The following TMEM51 variants were observed in gnomAD, a reference collection of about 807,000 sequenced individuals.
TMEM51 encodes chromosome 1 open reading frame 72.
A neutral mutation model predicts 13.6 loss-of-function variants in TMEM51; 8 were observed. The ratio of observed to expected loss-of-function variants is 0.59; its 90% CI spans 0.35 to 1.07. TMEM51 has a LOEUF of 1.07. TMEM51 is among the 50% of genes least tolerant of loss of function. The pLI, the probability that TMEM51 is intolerant of heterozygous loss-of-function variation, is 0.02. For missense variants in TMEM51, 279 were observed against 330.7 expected, an observed-to-expected ratio of 0.84 and a Z score of 1.21; for synonymous variants, 147 against 144.4, an observed-to-expected ratio of 1.02 and a Z score of -0.13.
chr1:15,163,495 C>A (rs530144147), intron 1 of TMEM51, among the ~76,000 whole-genome samples: 1 of 152,042 alleles, frequency 6.6e-6, no homozygotes, highest in South Asian at 2.1e-4. Context: ...GGAACTTTGG[C>A]GGCTTTTTTC....
At chr1:15,165,017 G>A (rs1022203601) in intron 1 of TMEM51, among the ~76,000 whole-genome samples, 3 of 152,136 alleles carry the variant, frequency 2.0e-5, no homozygotes, top group Admixed American at 6.6e-5. Flanking sequence ...TGGCCAGGAT[G>A]GTCTCCACCT....
intron 1 of TMEM51, among the ~76,000 whole-genome samples, chr1:15,175,015 C>T (rs542888086): frequency 2.0e-4 from 30 of 152,286 alleles, no homozygotes; most frequent in Admixed American, 1.2e-3. Context: ...TCCTTTTGGT[C>T]GCTGACACTA....
intron 1 of TMEM51, among the ~76,000 whole-genome samples, chr1:15,176,444 C>A (rs1405193863): frequency 6.6e-6 from 1 of 152,170 alleles, no homozygotes; most frequent in Non-Finnish European, 1.5e-5. Context: ...CCACTCCCCG[C>A]TGGCCATGGC....
chr1:15,219,323 C>T lies in TMEM51; in HGVS notation c.345-3C>T. Reference sequence around the variant, plus strand: ...CTCTCCCTGTCTGTGTGTCTTCTTGCAGCCAGGAGGAAGAAGAGGAGGATG... The same window carrying T: ...CTCTCCCTGTCTGTGTGTCTTCTTGTAGCCAGGAGGAAGAAGAGGAGGATG... On this transcript the variant is annotated splice_region_variant and splice_polypyrimidine_tract_variant and intron_variant, in intron 3 of 3. Coordinates refer to ENST00000376008, the MANE Select transcript of TMEM51 (RefSeq NM_001136218.2). The T allele has an allele frequency of 6.4e-7, 1 of 1,568,640 alleles. No individual in the cohort carries two copies. The highest frequency in any genetic ancestry group is 8.7e-7 in the Non-Finnish European group (1 of 1,156,042).
At chr1:15,214,708 C>T (rs1202058432) in intron 2 of TMEM51, among the ~76,000 whole-genome samples, 187 bp from the exon 3 acceptor site, 1 of 152,252 alleles carries the variant, frequency 6.6e-6, no homozygotes. Flanking sequence ...ACCGGCCTCC[C>T]TTCTCGCAGC....
intron 1 of TMEM51, among the ~76,000 whole-genome samples, chr1:15,158,371 G>C (rs1642656859): frequency 6.6e-6 from 1 of 152,158 alleles, no homozygotes; most frequent in African/African-American, 2.4e-5. Flanking sequence ...CGGGCCATCT[G>C]GGTGTGATGC....
At chr1:15,206,287 G>A (rs1644248406) in intron 1 of TMEM51, among the ~76,000 whole-genome samples, 1 of 150,764 alleles carries the variant, frequency 6.6e-6, no homozygotes, top group Admixed American at 6.6e-5. Context: ...GGGGAGGGAA[G>A]GGAACATTTA....
At chr1:15,197,587 C>T (rs1351672998) in intron 1 of TMEM51, among the ~76,000 whole-genome samples, 2 of 152,176 alleles carry the variant, frequency 1.3e-5, no homozygotes, top group Admixed American at 6.5e-5. Context: ...TCTCCAAAAG[C>T]CCCGTACTGA....
At chr1:15,185,176 C>T (rs1643737579) in intron 1 of TMEM51, among the ~76,000 whole-genome samples, 1 of 152,130 alleles carries the variant, frequency 6.6e-6, no homozygotes. Context: ...ATGCTCAAAA[C>T]TTAGGAGCCC....
intron 2 of TMEM51, among the ~76,000 whole-genome samples, chr1:15,211,467 T>C (rs1333228929): frequency 6.6e-6 from 1 of 152,204 alleles, no homozygotes; most frequent in Non-Finnish European, 1.5e-5. Context: ...TTTAAGAACT[T>C]ACTGTTGTGC....
In TMEM51 at chr1:15,198,386, G is replaced by A. The variant is rs148786790; in HGVS notation, c.-266-12104G>A. 2.0e-4 allele frequency among the ~76,000 whole-genome samples: 31 copies of A among 152,096 alleles called. No homozygotes were observed. The East Asian group carries it at 5.6e-3, about 27-fold the overall frequency. ...GCTTACTATGGAGGAAGGGGAACAC[G>A]GATATTGGGAACCACAAATAGGCAA... On this transcript the variant is annotated intron_variant, in intron 1 of 3. Coordinates refer to ENST00000376008, the MANE Select transcript of TMEM51 (RefSeq NM_001136218.2).
At chr1:15,182,910 C>T (rs1643665814) in intron 1 of TMEM51, among the ~76,000 whole-genome samples, 1 of 152,320 alleles carries the variant, frequency 6.6e-6, no homozygotes, top group East Asian at 1.9e-4. Flanking sequence ...TTGCAGGCAC[C>T]TGCCACCACA....
chr1:15,173,516 T>C (rs867094472), intron 1 of TMEM51, among the ~76,000 whole-genome samples: 27 of 152,104 alleles, frequency 1.8e-4, no homozygotes, highest in African/African-American at 6.0e-4. Context: ...CTACTGCGCC[T>C]GGCCAACCTG....
intron 1 of TMEM51, among the ~76,000 whole-genome samples, chr1:15,203,547 C>T (rs1310220941): frequency 6.6e-6 from 1 of 152,096 alleles, no homozygotes; most frequent in East Asian, 1.9e-4. Context: ...AGACATGAGC[C>T]ACCACACCTG....
At chr1:15,211,966 G>A (rs1229492348) in intron 2 of TMEM51, among the ~76,000 whole-genome samples, 2 of 151,910 alleles carry the variant, frequency 1.3e-5, no homozygotes, top group East Asian at 1.9e-4. Context: ...TTAGAATCAC[G>A]CTGAACACAC....
intron 1 of TMEM51, among the ~76,000 whole-genome samples, chr1:15,205,869 G>A (rs928971460): frequency 2.0e-5 from 3 of 152,014 alleles, no homozygotes; most frequent in Admixed American, 1.3e-4. Context: ...CATGTATCTC[G>A]GTATCCCCCA....
In TMEM51 at chr1:15,219,370, A is replaced by G. The variant is rs769026008; in HGVS notation, c.389A>G (p.Tyr130Cys). ...EEDEEAASRY[Y>C]VPSYEEVMNT... ...GATGAGGAGGCTGCCTCAAGGTACT[A>G]TGTTCCCAGCTACGAGGAAGTGATG... The change falls in exon 4 of 4, where the codon TAT (tyrosine) becomes TGT (cysteine). Residue 130 changes from tyrosine (Y) to cysteine (C), a missense_variant. By Grantham distance (194) the Tyr-to-Cys change is radical (BLOSUM62 -2). Coordinates refer to ENST00000376008, the MANE Select transcript of TMEM51 (RefSeq NM_001136218.2). 3 of 1,607,720 alleles carry G rather than the reference A, an allele frequency of 1.9e-6. No individual in the cohort carries two copies. The highest frequency in any genetic ancestry group is 8.5e-7 in the Non-Finnish European group (1 of 1,175,588).
At chr1:15,164,404 C>A in intron 1 of TMEM51, 2 of 456,090 alleles carry the variant, frequency 4.4e-6, no homozygotes, top group Middle Eastern at 6.5e-4. Context: ...CCCTGAATTT[C>A]GGTTTGCCTG....
At chr1:15,199,236 A>G (rs1399859351) in intron 1 of TMEM51, among the ~76,000 whole-genome samples, 2 of 151,344 alleles carry the variant, frequency 1.3e-5, no homozygotes, top group East Asian at 3.9e-4. Flanking sequence ...GGGTTCAAGC[A>G]ATTCTCCTGC....
Sources: allele counts gnomAD v4.1 joint callset (sites outside exome capture counted in the v4.1 genomes callset), GRCh38; gene constraint gnomAD v4.1.1; transcripts MANE v1.5; gene names NCBI Gene and HGNC (gene_info 2026-07-23, HGNC 2026-07-21).